Variants in WASL observed in about 807,000 individuals in gnomAD.
WASL encodes WASP like actin nucleation promoting factor, also known as actin nucleation-promoting factor WASL.
Under a neutral mutation model 55.5 loss-of-function variants are expected in WASL, and 20 were observed. That is an observed-to-expected ratio of 0.36 (90% CI 0.25 to 0.52). WASL has a LOEUF of 0.52. Ranked by LOEUF, WASL falls within the 20% of genes least tolerant of loss-of-function variation. WASL has a pLI of 0.92. For missense variants in WASL, 504 were observed against 622.5 expected, an observed-to-expected ratio of 0.81 and a Z score of 2.03; for synonymous variants, 249 against 217.6, an observed-to-expected ratio of 1.14 and a Z score of -1.27.
At chr7:123,689,620 C>T (rs957983561) in intron 9 of WASL, among the ~76,000 whole-genome samples, 1 of 152,130 alleles carries the variant, frequency 6.6e-6, no homozygotes, top group Non-Finnish European at 1.5e-5. Context: ...TTCAGCTTTA[C>T]ACCTTTATGT....
intron 1 of WASL, among the ~76,000 whole-genome samples, chr7:123,730,430 T>G (rs995531990): frequency 6.6e-6 from 1 of 152,040 alleles, no homozygotes; most frequent in African/African-American, 2.4e-5. Flanking sequence ...AGGAAGAAAA[T>G]GGGAATATTG....
intron 1 of WASL, among the ~76,000 whole-genome samples, chr7:123,731,526 A>C (rs1297042311): frequency 6.6e-6 from 1 of 152,212 alleles, no homozygotes; most frequent in Non-Finnish European, 1.5e-5. Context: ...ACACATATGG[A>C]ACGATCACCA....
At chr7:123,741,493 C>G (rs948670344) in intron 1 of WASL, among the ~76,000 whole-genome samples, 1 of 152,086 alleles carries the variant, frequency 6.6e-6, no homozygotes, top group Non-Finnish European at 1.5e-5. Flanking sequence ...AATGTATAAA[C>G]TTTTGTTTCT....
intron 5 of WASL, among the ~76,000 whole-genome samples, chr7:123,700,175 C>CAAAAAAAAA (rs1168168286): frequency 6.3e-5 from 3 of 47,320 alleles, no homozygotes; most frequent in African/African-American, 1.5e-4. Context: ...AACTCCGTCT[C>CAAAAAAAAA]AAAAAAAAAA....
At chr7:123,723,858 G>C (rs1315959166) in intron 1 of WASL, among the ~76,000 whole-genome samples, 7 of 152,144 alleles carry the variant, frequency 4.6e-5, no homozygotes. Flanking sequence ...GGTTGAGCCA[G>C]CCAGAATTAG....
At chr7:123,741,057 G>A (rs1252678352) in intron 1 of WASL, among the ~76,000 whole-genome samples, 5 of 152,222 alleles carry the variant, frequency 3.3e-5, no homozygotes, top group East Asian at 1.9e-4. Flanking sequence ...ATCCCAGGAT[G>A]AGCAAGTGTG....
At chr7:123,730,905 C>T (rs890019497) in intron 1 of WASL, among the ~76,000 whole-genome samples, 1 of 152,104 alleles carries the variant, frequency 6.6e-6, no homozygotes, top group African/African-American at 2.4e-5. Flanking sequence ...CCCAGGTAAT[C>T]AGCATAGTAT....
At chr7:123,724,877 C>G (rs998403557) in intron 1 of WASL, among the ~76,000 whole-genome samples, 26 of 152,064 alleles carry the variant, frequency 1.7e-4, no homozygotes, top group African/African-American at 5.8e-4. Flanking sequence ...GTTTTAAATG[C>G]CACAACAATT....
At chr7:123,748,584 G>A (rs763970770) in intron 1 of WASL, 34 bp downstream of exon 1, 9 of 1,604,588 alleles carry the variant, frequency 5.6e-6, no homozygotes, top group Non-Finnish European at 4.3e-6. Flanking sequence ...GTGAGGTAAT[G>A]TCACGGGTGG....
At chr7:123,714,091 TAC>T (rs1411471509) in intron 1 of WASL, among the ~76,000 whole-genome samples, 4 of 152,232 alleles carry the variant, frequency 2.6e-5, no homozygotes, top group East Asian at 3.8e-4. Context: ...GTTGAATTCC[TAC>T]AGTTTATTAT....
At chr7:123,713,521 TAA>T (rs993709065) in intron 1 of WASL, among the ~76,000 whole-genome samples, 2 of 152,126 alleles carry the variant, frequency 1.3e-5, no homozygotes, top group African/African-American at 4.8e-5. Context: ...CTTAACAAAA[TAA>T]AGTCTTTTCT....
At chr7:123,748,330 T>C (rs987866956) in intron 1 of WASL, among the ~76,000 whole-genome samples, 1 of 152,084 alleles carries the variant, frequency 6.6e-6, no homozygotes, top group African/African-American at 2.4e-5. Flanking sequence ...AATAAAGTTT[T>C]AACCAGCAGC....
In WASL at chr7:123,692,702, C is replaced by G. The variant is rs200072224; in HGVS notation, c.992G>C (p.Ser331Thr). 2 of 1,520,616 alleles carry G rather than the reference C, an allele frequency of 1.3e-6. No individual in the cohort carries two copies. The highest frequency in any genetic ancestry group is 1.8e-6 in the Non-Finnish European group (2 of 1,136,890). The allele number at this position is 1,520,616 out of a possible 1,614,324, so 94.2% of individuals were successfully genotyped here. Residue 331 changes from serine to threonine, a missense_variant, in exon 9 of 11, where the codon AGT becomes ACT. Physicochemically the swap from Ser to Thr is moderately conservative, Grantham distance 58 (BLOSUM62 1). Transcript: ENST00000223023. ...TGGCGGTGGTGGAGGGACTGCTACACTTGGCCTGGAAGGAGGCGGTGGTGG... is the reference window on the plus strand; with the variant it reads ...TGGCGGTGGTGGAGGGACTGCTACAGTTGGCCTGGAAGGAGGCGGTGGTGG... ...APPPPPPSRP[S>T]VAVPPPPPNR...
chr7:123,734,546 T>C (rs1328357816), intron 1 of WASL, among the ~76,000 whole-genome samples: 1 of 147,214 alleles, frequency 6.8e-6, no homozygotes, highest in Non-Finnish European at 1.5e-5. Flanking sequence ...TACTGTATGA[T>C]TCCAACTATA....
At chr7:123,694,928 TAA>T in intron 7 of WASL, 60 bp from the exon 8 acceptor site, 1 of 1,535,282 alleles carries the variant, frequency 6.5e-7, no homozygotes, top group Non-Finnish European at 8.8e-7. Context: ...AACATAATTT[TAA>T]GTCTCATCTG....
At chr7:123,726,926 G>T (rs144855609) in intron 1 of WASL, among the ~76,000 whole-genome samples, 1 of 151,974 alleles carries the variant, frequency 6.6e-6, no homozygotes, top group Non-Finnish European at 1.5e-5. Flanking sequence ...TCTGAAGTAC[G>T]TATCTCTAAC....
intron 1 of WASL, among the ~76,000 whole-genome samples, chr7:123,733,505 G>A (rs1391844478): frequency 6.6e-6 from 1 of 151,930 alleles, no homozygotes; most frequent in African/African-American, 2.4e-5. Context: ...CTAAACAAGA[G>A]GTATTTCAGG....
chr7:123,716,846 A>G (rs181950804), intron 1 of WASL, among the ~76,000 whole-genome samples: 1 of 152,262 alleles, frequency 6.6e-6, no homozygotes, highest in East Asian at 1.9e-4. Context: ...ACTTCACCAT[A>G]TATTTTATCA....
chr7:123,718,093 GTTAA>G (rs143884124), intron 1 of WASL, among the ~76,000 whole-genome samples: 65,568 of 151,766 alleles, frequency 0.43, 14,659 homozygotes, highest in South Asian at 0.66. Context: ...ATATTGGACT[GTTAA>G]TTAATAATAA....
Sources: allele counts gnomAD v4.1 joint callset (sites outside exome capture counted in the v4.1 genomes callset), GRCh38; gene constraint gnomAD v4.1.1; transcripts MANE v1.5; gene names NCBI Gene and HGNC (gene_info 2026-07-23, HGNC 2026-07-21).